AFG2A: variants seen among roughly 807,000 people sequenced by gnomAD.
AFG2A encodes the protein ATPase family gene 2 protein homolog A.
At chr4:123,198,789 T>TAA in the AFG2A span, among the ~76,000 whole-genome samples, 1 of 152,212 alleles carries the variant, frequency 6.6e-6, no homozygotes, top group Non-Finnish European at 1.5e-5. Flanking sequence ...ATGTATTTCT[T>TAA]AATATATTTT....
At chr4:122,954,398 A>G in the AFG2A span, among the ~76,000 whole-genome samples, 27 of 152,290 alleles carry the variant, frequency 1.8e-4, no homozygotes, top group Middle Eastern at 3.4e-3. Flanking sequence ...GGCAGAGACA[A>G]GTTTTGTGGG....
the AFG2A span, among the ~76,000 whole-genome samples, chr4:122,955,592 T>C: frequency 6.6e-6 from 1 of 152,210 alleles, no homozygotes; most frequent in Non-Finnish European, 1.5e-5. Context: ...ACCTTTTATC[T>C]GGACTGATAT....
At chr4:123,238,050 A>G in the AFG2A span, among the ~76,000 whole-genome samples, 1 of 152,214 alleles carries the variant, frequency 6.6e-6, no homozygotes, top group Non-Finnish European at 1.5e-5. Flanking sequence ...GGCAGATCCA[A>G]CACCCACGGA....
chr4:123,212,548 A>G, the AFG2A span, among the ~76,000 whole-genome samples: 2 of 152,270 alleles, frequency 1.3e-5, no homozygotes, highest in South Asian at 2.1e-4. Context: ...TTGGCTTCCA[A>G]TCTTAGCTAG....
the AFG2A span, among the ~76,000 whole-genome samples, chr4:123,239,041 C>T: frequency 1.3e-5 from 2 of 152,090 alleles, no homozygotes; most frequent in African/African-American, 4.8e-5. Context: ...GTGACACATG[C>T]ACAAACTTCA....
At chr4:123,084,614 G>GTGTGTGTGTGTA in the AFG2A span, among the ~76,000 whole-genome samples, 18 of 148,664 alleles carry the variant, frequency 1.2e-4, no homozygotes, top group Non-Finnish European at 1.9e-4. Context: ...GTGTGTGTGT[G>GTGTGTGTGTGTA]TATATATATA....
the AFG2A span, among the ~76,000 whole-genome samples, chr4:122,984,987 G>C: frequency 6.6e-6 from 1 of 152,144 alleles, no homozygotes; most frequent in East Asian, 1.9e-4. Context: ...CTTAGGGAGG[G>C]TTCCTTCTTT....
the AFG2A span, among the ~76,000 whole-genome samples, chr4:123,039,596 T>C: frequency 6.6e-6 from 1 of 151,970 alleles, no homozygotes; most frequent in Non-Finnish European, 1.5e-5. Context: ...ACTAGTTTTG[T>C]TTATTTGACT....
the AFG2A span, among the ~76,000 whole-genome samples, chr4:123,070,899 TG>T: frequency 6.6e-6 from 1 of 152,308 alleles, no homozygotes; most frequent in South Asian, 2.1e-4. Flanking sequence ...TGGTTTTCTT[TG>T]GGTTGTTGTT....
chr4:123,253,869 C>T, the AFG2A span, among the ~76,000 whole-genome samples: 3 of 152,084 alleles, frequency 2.0e-5, no homozygotes, highest in Admixed American at 6.6e-5. Flanking sequence ...TGTCCTTGAT[C>T]GGTCTTTGGT....
At chr4:123,302,779 A>T in the AFG2A span, among the ~76,000 whole-genome samples, 2 of 152,178 alleles carry the variant, frequency 1.3e-5, no homozygotes, top group African/African-American at 4.8e-5. Flanking sequence ...CACCTATGGG[A>T]CTATAAAACT....
chr4:123,054,049 A>G, the AFG2A span, among the ~76,000 whole-genome samples: 1 of 152,238 alleles, frequency 6.6e-6, no homozygotes, highest in African/African-American at 2.4e-5. Context: ...GAGACCAGTT[A>G]TCAGTGGGCT....
chr4:123,226,418 T>A, the AFG2A span, among the ~76,000 whole-genome samples: 1 of 152,178 alleles, frequency 6.6e-6, no homozygotes, highest in Non-Finnish European at 1.5e-5. Flanking sequence ...GTTTTTAGCA[T>A]GAAGGGTTGT....
chr4:123,073,402 A>G, the AFG2A span, among the ~76,000 whole-genome samples: 3 of 152,102 alleles, frequency 2.0e-5, no homozygotes, highest in South Asian at 2.1e-4. Context: ...ATTTGTATAC[A>G]TGCTTAAAAT....
At chr4:123,278,418 G>A in the AFG2A span, among the ~76,000 whole-genome samples, 22 of 152,012 alleles carry the variant, frequency 1.4e-4, no homozygotes, top group South Asian at 6.2e-4. Flanking sequence ...TGGATTCATT[G>A]ACCTTTTGTA....
the AFG2A span, among the ~76,000 whole-genome samples, chr4:123,197,958 A>C: frequency 0.012 from 1,884 of 152,044 alleles, 38 homozygotes; most frequent in African/African-American, 0.043. Context: ...AGCCTCTAAC[A>C]TCATGGTGCA....
the AFG2A span, among the ~76,000 whole-genome samples, chr4:123,066,027 GAATCTATATTAAT>G: frequency 1.3e-5 from 2 of 152,132 alleles, no homozygotes; most frequent in Non-Finnish European, 2.9e-5. Flanking sequence ...TGGCACTAGA[GAATCTATATTAAT>G]AACTGCTTCT....
At chr4:123,307,547 A>G in the AFG2A span, among the ~76,000 whole-genome samples, 2 of 152,212 alleles carry the variant, frequency 1.3e-5, no homozygotes, top group Admixed American at 1.3e-4. Context: ...TTTATCTGAA[A>G]AGACCTCATT....
chr4:123,115,809 A>G, the AFG2A span, among the ~76,000 whole-genome samples: 3 of 152,200 alleles, frequency 2.0e-5, no homozygotes, highest in African/African-American at 7.2e-5. Flanking sequence ...TGAATGGTTT[A>G]TATTTTGCCG....
Sources: gnomAD v4.1 joint callset for allele counts (sites outside exome capture counted in the v4.1 genomes callset) on GRCh38, gnomAD v4.1.1 for gene constraint, MANE v1.5 for transcripts, NCBI Gene and HGNC (gene_info 2026-07-23, HGNC 2026-07-21) for gene names.